Variants in USH2A observed in about 807,000 individuals in gnomAD.
The protein encoded by USH2A is Usher syndrome 2A (autosomal recessive, mild).
In USH2A, 443 loss-of-function variants were observed where a neutral mutation model predicts 538.9. The observed-to-expected ratio is 0.82, with a 90% confidence interval of 0.76 to 0.89. USH2A has a LOEUF of 0.89. Ranked by LOEUF, USH2A falls within the 40% of genes least tolerant of loss-of-function variation. The pLI is 0.00. For synonymous variants in USH2A, 2,413 were observed against 2,273.5 expected, an observed-to-expected ratio of 1.06 and a Z score of -1.75; for missense variants, 6,633 against 6,324.8, an observed-to-expected ratio of 1.05 and a Z score of -1.65.
chr1:215,886,911 G>A (rs968309185), intron 41 of USH2A, among the ~76,000 whole-genome samples: 2 of 151,998 alleles, frequency 1.3e-5, no homozygotes, highest in African/African-American at 4.8e-5. Context: ...AGGCTGGAGT[G>A]CAGTGGCATA....
chr1:215,937,760 A>G (rs1666541933), intron 37 of USH2A, among the ~76,000 whole-genome samples: 2 of 152,322 alleles, frequency 1.3e-5, no homozygotes, highest in African/African-American at 2.4e-5. Flanking sequence ...TTGTAAAGCA[A>G]CAATGGAAAT....
At chr1:216,302,291 G>A (rs565869830) in intron 9 of USH2A, among the ~76,000 whole-genome samples, 328 of 152,226 alleles carry the variant, frequency 2.2e-3, no homozygotes, top group African/African-American at 7.4e-3. Context: ...CACATTACAG[G>A]ACTGTACTTT....
At chr1:215,716,485 A>G (rs1282188422) in intron 61 of USH2A, among the ~76,000 whole-genome samples, 1 of 152,258 alleles carries the variant, frequency 6.6e-6, no homozygotes, top group African/African-American at 2.4e-5. Context: ...ACAGGTATCC[A>G]GCCATGACAT....
chr1:215,628,608 A>G (rs1312085379), intron 71 of USH2A, among the ~76,000 whole-genome samples: 2 of 152,166 alleles, frequency 1.3e-5, no homozygotes, highest in African/African-American at 4.8e-5. Flanking sequence ...TTAAGCATCT[A>G]TTGCATACCA....
chr1:216,176,519 T>C (rs528396523), intron 20 of USH2A, among the ~76,000 whole-genome samples: 1 of 152,282 alleles, frequency 6.6e-6, no homozygotes, highest in Admixed American at 6.5e-5. Context: ...GGCACCCAAA[T>C]GGTTCATTTG....
At chr1:215,727,168 T>G (rs1436991068) in intron 61 of USH2A, among the ~76,000 whole-genome samples, 1 of 152,118 alleles carries the variant, frequency 6.6e-6, no homozygotes, top group African/African-American at 2.4e-5. Flanking sequence ...TGTGTGTGTG[T>G]GTATATTTAA....
rs1019755927 is a variant in USH2A at position 216,220,853 on chromosome 1, T to C, written c.2994-3303A>G. ...ATAGGTATAAAGTTACTCCCGGTCT[T>C]CTAACTTGCTAATGGGGATGATGAA... On this transcript the variant is annotated intron_variant, in intron 14 of 71. Coordinates refer to ENST00000307340, the MANE Select transcript of USH2A (RefSeq NM_206933.4). 9.9e-5 allele frequency among the ~76,000 whole-genome samples: 15 copies of C among 152,064 alleles called. 1 individual carries two copies. Among genetic ancestry groups the C allele is most frequent in the South Asian group, 6.2e-4 (3 of 4,824 alleles).
intron 61 of USH2A, among the ~76,000 whole-genome samples, chr1:215,704,441 C>T (rs1025556430): frequency 3.3e-5 from 5 of 152,206 alleles, no homozygotes; most frequent in African/African-American, 9.7e-5. Context: ...TACCATCTCT[C>T]CTAGATCCTA....
Position 215,675,616 on chromosome 1 carries a change from T to G in USH2A, c.12295A>C (p.Thr4099Pro). The G allele has an allele frequency of 6.2e-7, 1 of 1,614,144 alleles. No homozygotes were observed. Among genetic ancestry groups the G allele is most frequent in the East Asian group, 2.2e-5 (1 of 44,886 alleles). Reference protein sequence around the residue: ...EPMRTNGVIKTYNIFSDGFLE... With the variant: ...EPMRTNGVIKPYNIFSDGFLE... Reference sequence around the variant, plus strand: ...AACCCGTCACTGAAGATGTTGTATGTCTACAGAAGGACAGAAGCAAAAGGG... The same window carrying G: ...AACCCGTCACTGAAGATGTTGTATGGCTACAGAAGGACAGAAGCAAAAGGG... The change falls in exon 63 of 72, where the codon ACA becomes CCA. Residue 4099 changes from threonine (T) to proline (P), a missense_variant and splice_region_variant. Transcript: ENST00000307340.
chr1:216,320,040 G>A (rs964341669), intron 9 of USH2A, among the ~76,000 whole-genome samples: 1 of 152,130 alleles, frequency 6.6e-6, no homozygotes, highest in East Asian at 1.9e-4. Flanking sequence ...CCATATTTAT[G>A]TAACAAAATG....
chr1:215,716,484 C>A (rs1446251607), intron 61 of USH2A, among the ~76,000 whole-genome samples: 2 of 152,196 alleles, frequency 1.3e-5, no homozygotes, highest in Non-Finnish European at 2.9e-5. Flanking sequence ...CACAGGTATC[C>A]AGCCATGACA....
chr1:215,844,048 AG>A (rs1663771049), intron 46 of USH2A, among the ~76,000 whole-genome samples: 1 of 152,172 alleles, frequency 6.6e-6, no homozygotes, highest in South Asian at 2.1e-4. Flanking sequence ...TTATTTTGCC[AG>A]TGAGAATTTC....
intron 67 of USH2A, among the ~76,000 whole-genome samples, chr1:215,643,045 G>C (rs1656739008): frequency 6.6e-6 from 1 of 152,142 alleles, no homozygotes; most frequent in Non-Finnish European, 1.5e-5. Context: ...GCCCAGGCTA[G>C]AGTGCAGTGG....
intron 30 of USH2A, among the ~76,000 whole-genome samples, chr1:216,056,499 A>AC (rs1302706267): frequency 6.6e-6 from 1 of 152,118 alleles, no homozygotes; most frequent in East Asian, 1.9e-4. Flanking sequence ...CTGTATTCTG[A>AC]CCCCAAGATC....
At chr1:216,108,408 T>A (rs1299781731) in intron 21 of USH2A, among the ~76,000 whole-genome samples, 2 of 151,888 alleles carry the variant, frequency 1.3e-5, no homozygotes, top group Non-Finnish European at 1.5e-5. Context: ...CATAATCTTT[T>A]TTTTTTAGTA....
At chr1:215,679,495 AG>A (rs1658153163) in intron 62 of USH2A, among the ~76,000 whole-genome samples, 1 of 152,194 alleles carries the variant, frequency 6.6e-6, no homozygotes. Flanking sequence ...ATCCTTGGGG[AG>A]GAACATCAGA....
At chr1:215,796,194 T>C (rs2102775804) in intron 50 of USH2A, among the ~76,000 whole-genome samples, 1 of 152,228 alleles carries the variant, frequency 6.6e-6, no homozygotes, top group South Asian at 2.1e-4. Context: ...TAAAAAGGCA[T>C]ATAGTAGTTT....
At chr1:215,636,984 G>A (rs1235421136) in intron 69 of USH2A, among the ~76,000 whole-genome samples, 1 of 151,982 alleles carries the variant, frequency 6.6e-6, no homozygotes, top group East Asian at 1.9e-4. Context: ...GATCAGGATG[G>A]TGTCCCTTTA....
chr1:215,978,784 G>A lies in USH2A; in HGVS notation c.6806-8008C>T, dbSNP rs189228529. ...GTCAAGTCTTCCACATACGGTAGTG[G>A]GGACTTCAATAAGTCATATGATGAA... On this transcript the variant is annotated intron_variant, in intron 35 of 71. Transcript: ENST00000307340. Among the ~76,000 whole-genome samples, 45 of 152,196 alleles carry A rather than the reference G, an allele frequency of 3.0e-4. 1 individual carries two copies. In the South Asian group the frequency reaches 6.2e-3, roughly 21 times the overall value.
Sources: gnomAD v4.1 joint callset for allele counts (sites outside exome capture counted in the v4.1 genomes callset) on GRCh38, gnomAD v4.1.1 for gene constraint, MANE v1.5 for transcripts, NCBI Gene and HGNC (gene_info 2026-07-23, HGNC 2026-07-21) for gene names.